The following LPP variants were observed in gnomAD, a reference collection of about 807,000 sequenced individuals.
The protein encoded by LPP is LIM domain containing preferred translocation partner in lipoma.
LPP carries 38 observed loss-of-function variants against 60.4 expected under a neutral mutation model. The observed-to-expected ratio is 0.63, with a 90% CI of 0.49 to 0.83. The LOEUF (loss-of-function observed/expected upper bound fraction) is 0.83, where lower values mean the gene tolerates loss of function less well. Ranked by LOEUF, LPP falls within the 40% of genes least tolerant of loss-of-function variation. LPP has a pLI of 0.00. For synonymous variants in LPP, 328 were observed against 290.8 expected, an observed-to-expected ratio of 1.13 and a Z score of -1.30; for missense variants, 902 against 783.6, an observed-to-expected ratio of 1.15 and a Z score of -1.80.
chr3:188,288,205 T>C, intron 2 of LPP, among the ~76,000 whole-genome samples: 1 of 152,194 alleles, frequency 6.6e-6, no homozygotes, highest in Non-Finnish European at 1.5e-5. Context: ...ATTGTCCACA[T>C]CCCTTCTTCC....
At chr3:188,200,237 G>C (rs1022446320) in intron 1 of LPP, among the ~76,000 whole-genome samples, 5 of 149,780 alleles carry the variant, frequency 3.3e-5, no homozygotes, top group African/African-American at 1.2e-4. Context: ...GAGCTACTGG[G>C]TTTAAGAATT....
chr3:188,709,089 G>T (rs961584654), intron 8 of LPP: 4 of 151,922 alleles, frequency 2.6e-5, no homozygotes, highest in Non-Finnish European at 5.9e-5. Flanking sequence ...TTGAAGAAAT[G>T]ATGTTTTCTT....
At chr3:188,624,419 G>A (rs1308163576) in intron 7 of LPP, among the ~76,000 whole-genome samples, 1 of 152,208 alleles carries the variant, frequency 6.6e-6, no homozygotes, top group Non-Finnish European at 1.5e-5. Flanking sequence ...CACGGCTTGA[G>A]AGAGGATTAA....
chr3:188,351,075 C>T (rs55684841), intron 3 of LPP, among the ~76,000 whole-genome samples: 2,804 of 152,272 alleles, frequency 0.018, 90 homozygotes, highest in African/African-American at 0.064. Flanking sequence ...CATGTTTCCA[C>T]CCCCATCTCA....
intron 7 of LPP, among the ~76,000 whole-genome samples, chr3:188,707,637 T>G (rs1865747611): frequency 6.6e-6 from 1 of 152,272 alleles, no homozygotes; most frequent in Non-Finnish European, 1.5e-5. Flanking sequence ...TCTGGACTCC[T>G]GTACTCGATA....
At chr3:188,538,397 A>C (rs959388935) in intron 6 of LPP, among the ~76,000 whole-genome samples, 3 of 152,206 alleles carry the variant, frequency 2.0e-5, no homozygotes, top group Admixed American at 1.3e-4. Context: ...CTGAATAGAC[A>C]TTTCCCTAAG....
intron 1 of LPP, among the ~76,000 whole-genome samples, chr3:188,221,074 C>A (rs543795878): frequency 1.3e-5 from 2 of 152,336 alleles, no homozygotes; most frequent in East Asian, 3.9e-4. Context: ...GTCTTCCAGG[C>A]TCTGGCTGCC....
At chr3:188,467,853 C>T (rs1269808362) in intron 4 of LPP, among the ~76,000 whole-genome samples, 1 of 152,066 alleles carries the variant, frequency 6.6e-6, no homozygotes, top group Non-Finnish European at 1.5e-5. Flanking sequence ...CTGCCAACAC[C>T]TTGATTTTAG....
intron 7 of LPP, among the ~76,000 whole-genome samples, chr3:188,690,752 G>A (rs1404740760): frequency 6.6e-6 from 1 of 152,166 alleles, no homozygotes; most frequent in African/African-American, 2.4e-5. Context: ...ACAGTTGCTA[G>A]ACCCAGACAG....
chr3:188,627,792 C>G (rs1847124280), intron 7 of LPP, among the ~76,000 whole-genome samples: 1 of 152,156 alleles, frequency 6.6e-6, no homozygotes, highest in South Asian at 2.1e-4. Context: ...AATATTTCAC[C>G]CAACAACAAC....
In LPP at chr3:188,274,623, C is replaced by T. The variant is rs541902138; in HGVS notation, c.-67+49096C>T. ...TTTCCATCCTCCACTAGAACTTTAGCTGTGTTTAGACTTCAGAATGCTGAG... is the reference window on the plus strand; with the variant it reads ...TTTCCATCCTCCACTAGAACTTTAGTTGTGTTTAGACTTCAGAATGCTGAG... On this transcript the variant is annotated intron_variant, in intron 2 of 11. Coordinates refer to ENST00000617246, the MANE Select transcript of LPP (RefSeq NM_001375462.1). 3.9e-5 allele frequency among the ~76,000 whole-genome samples: 6 copies of T among 152,288 alleles called. No individual in the cohort carries two copies. In the South Asian group the frequency reaches 1.2e-3, roughly 32 times the overall value.
chr3:188,178,228 T>G (rs1323884145), intron 1 of LPP, among the ~76,000 whole-genome samples: 2 of 152,200 alleles, frequency 1.3e-5, no homozygotes, highest in South Asian at 4.1e-4. Flanking sequence ...TTGGGAATTC[T>G]GGCCCCAGTG....
chr3:188,389,820 G>GAAAAAAAGAAAGA (rs376697615), intron 3 of LPP, among the ~76,000 whole-genome samples: 1,196 of 114,558 alleles, frequency 0.01, 18 homozygotes, highest in African/African-American at 0.038. Flanking sequence ...AAAAAAAAAA[G>GAAAAAAAGAAAGA]AAAAGAAAAA....
At chr3:188,379,469 G>A (rs1042449264) in intron 3 of LPP, among the ~76,000 whole-genome samples, 36 of 152,074 alleles carry the variant, frequency 2.4e-4, no homozygotes, top group Non-Finnish European at 2.5e-4. Flanking sequence ...TTACACAGCC[G>A]TCACCAAGAT....
chr3:188,154,557 A>T (rs1473549852), intron 1 of LPP, among the ~76,000 whole-genome samples: 1 of 152,112 alleles, frequency 6.6e-6, no homozygotes, highest in South Asian at 2.1e-4. Context: ...ATCCGCTTAG[A>T]GCTTTCGCGG....
intron 9 of LPP, among the ~76,000 whole-genome samples, chr3:188,837,403 A>C (rs1560275705): frequency 1.3e-5 from 2 of 148,776 alleles, no homozygotes; most frequent in Non-Finnish European, 1.5e-5. Context: ...TAATAATAAT[A>C]ATAATAATAA....
intron 2 of LPP, chr3:188,240,240 A>G (rs528712223): frequency 1.7e-5 from 3 of 174,882 alleles, no homozygotes; most frequent in East Asian, 1.0e-4. Context: ...TTTGGTATCA[A>G]ATTTTAAGCC....
At chr3:188,753,786 T>A (rs1729016530) in intron 8 of LPP, among the ~76,000 whole-genome samples, 2 of 152,056 alleles carry the variant, frequency 1.3e-5, no homozygotes, top group East Asian at 1.9e-4. Flanking sequence ...TGTGTGTGAG[T>A]GTGTATATGT....
At chr3:188,555,629 G>A (rs550568469) in intron 6 of LPP, among the ~76,000 whole-genome samples, 3 of 152,078 alleles carry the variant, frequency 2.0e-5, no homozygotes, top group Non-Finnish European at 4.4e-5. Context: ...GCAAGGAGAA[G>A]AATGGAATTG....
Sources: gnomAD v4.1 joint callset for allele counts (sites outside exome capture counted in the v4.1 genomes callset) on GRCh38, gnomAD v4.1.1 for gene constraint, MANE v1.5 for transcripts, NCBI Gene and HGNC (gene_info 2026-07-23, HGNC 2026-07-21) for gene names.